NRXN3: variants seen among roughly 807,000 people sequenced by gnomAD.
NRXN3 encodes neurexin III.
NRXN3 carries 32 observed loss-of-function variants against 137.6 expected under a neutral mutation model. The observed-to-expected ratio is 0.23, with a 90% CI of 0.18 to 0.31. The LOEUF is 0.31. Ranked by LOEUF, NRXN3 falls within the 10% of genes least tolerant of loss-of-function variation. The probability of loss-of-function intolerance (pLI) is 1.00; values close to 1 mark genes in which losing one functional copy is unlikely to be tolerated. For missense variants in NRXN3, 1,574 were observed against 2,062.5 expected (o/e 0.76, Z 4.59); for synonymous variants, 798 against 784.5 (o/e 1.02, Z -0.29).
At chr14:78,281,766 T>C (rs1452665236) in intron 3 of NRXN3, among the ~76,000 whole-genome samples, 1 of 152,218 alleles carries the variant, frequency 6.6e-6, no homozygotes, top group Non-Finnish European at 1.5e-5. Flanking sequence ...GAAAAGCTGC[T>C]GCAGGGAGCT....
chr14:78,268,515 A>G (rs543151320), intron 2 of NRXN3, among the ~76,000 whole-genome samples: 7 of 152,306 alleles, frequency 4.6e-5, no homozygotes, highest in African/African-American at 1.7e-4. Flanking sequence ...CAGCGAGCAC[A>G]CACTGATTTC....
Position 78,966,273 on chromosome 14 carries a change from C to G in NRXN3, c.2644C>G (p.Leu882Val), listed in dbSNP as rs1165818633. ...CACCTTTAAGACCAAGAGCAGCTAC[C>G]TGAGCCTTGCCACTCTTCAGGCTTA... ...PVTFKTKSSYLSLATLQAYTS... is the reference protein window; with the variant it reads ...PVTFKTKSSYVSLATLQAYTS... Residue 882 changes from leucine to valine, a missense_variant, in exon 12 of 21, where the codon CTG (leucine) becomes GTG (valine). Around this residue, in one of 5 missense-constraint regions of NRXN3, gnomAD observed 718 missense variants for 887.6 expected, o/e 0.81. Coordinates refer to ENST00000335750, the MANE Select transcript of NRXN3 (RefSeq NM_001330195.2). 7.4e-6 allele frequency: 12 copies of G among 1,614,096 alleles called. No individual in the cohort carries two copies. The highest frequency in any genetic ancestry group is 1.0e-5 in the Non-Finnish European group (12 of 1,180,038).
chr14:79,708,665 T>G (rs1424425051), intron 19 of NRXN3, among the ~76,000 whole-genome samples: 1 of 152,084 alleles, frequency 6.6e-6, no homozygotes, highest in Non-Finnish European at 1.5e-5. Context: ...GGTGCATGTT[T>G]GAATGATTGT....
intron 7 of NRXN3, among the ~76,000 whole-genome samples, chr14:78,713,573 T>G (rs56261313): frequency 0.021 from 3,152 of 152,334 alleles, 112 homozygotes; most frequent in African/African-American, 0.071. Context: ...ACTTATTGTA[T>G]TAGTCTGTTC....
At chr14:79,801,727 G>C (rs1179932157) in intron 19 of NRXN3, among the ~76,000 whole-genome samples, 1 of 152,160 alleles carries the variant, frequency 6.6e-6, no homozygotes, top group Non-Finnish European at 1.5e-5. Context: ...TGGTTCTGTT[G>C]CCTGGGAAGA....
At chr14:78,279,323 C>T (rs917087812) in intron 3 of NRXN3, among the ~76,000 whole-genome samples, 3 of 152,122 alleles carry the variant, frequency 2.0e-5, no homozygotes, top group South Asian at 2.1e-4. Flanking sequence ...TTAAGCATTG[C>T]GTGTGTATAG....
chr14:79,034,096 T>C (rs1331529973), intron 15 of NRXN3, among the ~76,000 whole-genome samples: 1 of 152,074 alleles, frequency 6.6e-6, no homozygotes, highest in Non-Finnish European at 1.5e-5. Context: ...GGTCACTTAA[T>C]TAAAATGACT....
At chr14:78,311,917 G>A (rs563765114) in intron 4 of NRXN3, among the ~76,000 whole-genome samples, 8 of 152,222 alleles carry the variant, frequency 5.3e-5, no homozygotes, top group African/African-American at 1.9e-4. Context: ...TCCTTTAGTC[G>A]ATTCCACTGT....
Position 78,886,477 on chromosome 14 carries a change from C to A in NRXN3, c.2276-70765C>A, listed in dbSNP as rs892121236. 3.9e-5 allele frequency among the ~76,000 whole-genome samples: 6 copies of A among 151,976 alleles called. No homozygotes were observed. The East Asian group carries it at 1.2e-3, about 29-fold the overall frequency. On this transcript the variant is annotated intron_variant, in intron 10 of 20. Transcript: ENST00000335750. ...TTCTCTTCCTCCCTTCCTTTTTTCT[C>A]TTTTTCTTGCTTCTTTTATATCTCT...
intron 15 of NRXN3, among the ~76,000 whole-genome samples, chr14:79,142,200 G>A (rs917303485): frequency 6.6e-6 from 1 of 152,024 alleles, no homozygotes; most frequent in African/African-American, 2.4e-5. Flanking sequence ...AAGCCGAGGT[G>A]GACGGGTCAC....
At chr14:79,649,976 A>G (rs1317395413) in intron 16 of NRXN3, among the ~76,000 whole-genome samples, 1 of 152,194 alleles carries the variant, frequency 6.6e-6, no homozygotes, top group Non-Finnish European at 1.5e-5. Context: ...CGACTGACAG[A>G]TGGCCACCTT....
intron 14 of NRXN3, among the ~76,000 whole-genome samples, chr14:78,971,273 G>A (rs538349255): frequency 2.6e-5 from 4 of 151,860 alleles, no homozygotes; most frequent in Non-Finnish European, 5.9e-5. Context: ...GGTAGTATGA[G>A]GACCACAGGA....
intron 15 of NRXN3, among the ~76,000 whole-genome samples, chr14:79,139,957 G>T (rs1484404070): frequency 6.7e-6 from 1 of 149,186 alleles, no homozygotes; most frequent in African/African-American, 2.5e-5. Flanking sequence ...ATATATATGA[G>T]ATATATATGT....
chr14:78,504,847 A>C (rs1208406319), intron 4 of NRXN3, among the ~76,000 whole-genome samples: 22 of 152,114 alleles, frequency 1.4e-4, no homozygotes, highest in Admixed American at 1.4e-3. Context: ...ATTTTACAGA[A>C]GATGTCTAAA....
At position 78,243,499 on chromosome 14, in the gene NRXN3, C is replaced by A. The variant is rs187824822; in HGVS notation, c.406C>A (p.Pro136Thr). 2.5e-6 allele frequency: 4 copies of A among 1,592,230 alleles called. No individual in the cohort carries two copies. The highest frequency in any genetic ancestry group is 3.4e-6 in the Non-Finnish European group (4 of 1,177,018). Reference protein sequence around the residue: ...DGEGQSGELQPQRPYMDVVSD... With the variant: ...DGEGQSGELQTQRPYMDVVSD... ...CGAGGGCCAGTCTGGGGAGCTGCAG[C>A]CCCAGCGGCCCTACATGGATGTGGT... Residue 136 changes from proline to threonine, a missense_variant, in exon 2 of 21, where the codon CCC becomes ACC. Pro to Thr is a conservative substitution (Grantham distance 38). Around this residue, in one of 5 missense-constraint regions of NRXN3, gnomAD observed 400 missense variants for 527.3 expected, o/e 0.76. Transcript: ENST00000335750. This position sits in a 1 kb window ranked among gnomAD's most constrained non-coding sequence, Gnocchi z 4.2.
rs377182829 is a variant in NRXN3, at chr14:79,777,358, T to C, written c.4015-27754T>C. ...ATCATAATACAAAAGGAACCTGGGA[T>C]AGGGAGAGATTTAGGCAAAGCTAAA... On this transcript the variant is annotated intron_variant, in intron 19 of 20. Coordinates refer to ENST00000335750, the MANE Select transcript of NRXN3 (RefSeq NM_001330195.2). 1.8e-4 allele frequency among the ~76,000 whole-genome samples: 28 copies of C among 152,062 alleles called. 1 individual carries two copies. In the South Asian group the frequency reaches 5.8e-3, roughly 32 times the overall value.
At chr14:78,200,764 C>G (rs1368576815) in intron 1 of NRXN3, among the ~76,000 whole-genome samples, 1 of 152,174 alleles carries the variant, frequency 6.6e-6, no homozygotes, top group Non-Finnish European at 1.5e-5. Flanking sequence ...ATATCTCAGG[C>G]AAAATTCCTG....
intron 4 of NRXN3, among the ~76,000 whole-genome samples, chr14:78,621,251 C>A (rs892734487): frequency 3.3e-5 from 5 of 152,076 alleles, no homozygotes; most frequent in African/African-American, 1.2e-4. Flanking sequence ...AATAAGACAG[C>A]ATTTTTCTTT....
At chr14:78,531,827 GCTT>G (rs2096465523) in intron 4 of NRXN3, among the ~76,000 whole-genome samples, 1 of 152,078 alleles carries the variant, frequency 6.6e-6, no homozygotes, top group African/African-American at 2.4e-5. Flanking sequence ...TTTATTTTAT[GCTT>G]CTTTTCTAGG....
Sources: gnomAD v4.1 joint callset for allele counts (sites outside exome capture counted in the v4.1 genomes callset) on GRCh38, gnomAD v4.1.1 for gene constraint, gnomAD v4.1.1 regional missense constraint, Gnocchi (gnomAD v3.1) non-coding constraint, MANE v1.5 for transcripts, NCBI Gene and HGNC (gene_info 2026-07-23, HGNC 2026-07-21) for gene names.